SNTB1: variants seen among roughly 807,000 people sequenced by gnomAD.
SNTB1 encodes beta-1-syntrophin.
SNTB1 carries 36 observed loss-of-function variants against 48.9 expected under a neutral mutation model. That is an observed-to-expected ratio of 0.74 (90% CI 0.56 to 0.97). The LOEUF (loss-of-function observed/expected upper bound fraction) is 0.97. Among genes scored for constraint, SNTB1 ranks in the 50% least tolerant of loss-of-function variants. SNTB1 has a pLI of 0.00. For synonymous variants in SNTB1, 299 were observed against 294.6 expected, an observed-to-expected ratio of 1.01 and a Z score of -0.15; for missense variants, 786 against 703.4, an observed-to-expected ratio of 1.12 and a Z score of -1.33.
At chr8:120,661,423 A>C (rs901807604) in intron 2 of SNTB1, among the ~76,000 whole-genome samples, 1 of 152,178 alleles carries the variant, frequency 6.6e-6, no homozygotes, top group African/African-American at 2.4e-5. Context: ...TATTTGCCCA[A>C]GGTCACACTT....
intron 1 of SNTB1, among the ~76,000 whole-genome samples, chr8:120,730,403 G>T (rs1296006471): frequency 6.6e-6 from 1 of 152,096 alleles, no homozygotes; most frequent in Non-Finnish European, 1.5e-5. Flanking sequence ...GGCCAGGCTG[G>T]TATCAAACTC....
intron 2 of SNTB1, among the ~76,000 whole-genome samples, chr8:120,642,588 T>C (rs1351703867): frequency 3.3e-5 from 5 of 152,176 alleles, no homozygotes; most frequent in Non-Finnish European, 7.3e-5. Context: ...TATGGACTAC[T>C]GACTAACAAA....
chr8:120,752,747 C>A (rs1819243172), intron 1 of SNTB1, among the ~76,000 whole-genome samples: 1 of 151,960 alleles, frequency 6.6e-6, no homozygotes, highest in Non-Finnish European at 1.5e-5. Context: ...CACAAGTTCT[C>A]ACTTATAAGA....
intron 1 of SNTB1, among the ~76,000 whole-genome samples, chr8:120,753,050 C>T (rs1174014062): frequency 2.6e-5 from 4 of 151,016 alleles, no homozygotes; most frequent in Non-Finnish European, 4.4e-5. Flanking sequence ...TGCTCCTTTC[C>T]AAGATTTTCC....
intron 4 of SNTB1, among the ~76,000 whole-genome samples, chr8:120,568,607 C>T (rs1815791097): frequency 6.6e-6 from 1 of 152,190 alleles, no homozygotes; most frequent in African/African-American, 2.4e-5. Context: ...AAGCACTCTT[C>T]TGGAGGAAGG....
At chr8:120,557,565 T>C (rs1463245954) in intron 4 of SNTB1, among the ~76,000 whole-genome samples, 1 of 152,222 alleles carries the variant, frequency 6.6e-6, no homozygotes, top group Non-Finnish European at 1.5e-5. Context: ...CTACTGGAGC[T>C]CAAGACCATT....
intron 1 of SNTB1, among the ~76,000 whole-genome samples, chr8:120,760,375 T>C (rs1198229207): frequency 6.6e-6 from 1 of 151,352 alleles, no homozygotes; most frequent in Non-Finnish European, 1.5e-5. Flanking sequence ...AAATCACCAC[T>C]GCTAAAACCG....
intron 3 of SNTB1, among the ~76,000 whole-genome samples, chr8:120,628,283 G>A (rs1354262635): frequency 6.6e-6 from 1 of 152,190 alleles, no homozygotes; most frequent in African/African-American, 2.4e-5. Context: ...AGTAGCAAGA[G>A]AGCTAGAACT....
intron 2 of SNTB1, among the ~76,000 whole-genome samples, chr8:120,645,245 A>G (rs1817270400): frequency 6.6e-6 from 1 of 152,128 alleles, no homozygotes; most frequent in East Asian, 1.9e-4. Context: ...GCCCATGCCT[A>G]TGTCCTGAAT....
chr8:120,692,333 T>C (rs191072782), intron 2 of SNTB1, among the ~76,000 whole-genome samples: 1 of 152,124 alleles, frequency 6.6e-6, no homozygotes, highest in Non-Finnish European at 1.5e-5. Context: ...CCTAGCCAAA[T>C]ACTTTCTATT....
In SNTB1 at chr8:120,663,156, G is replaced by A. The variant is rs147803879; in HGVS notation, c.789-30505C>T. ...GGTCCAAGTACTGGCTATGAGCTAA[G>A]TGGCCCTGGAGAAAGAAATTACCTC... On this transcript the variant is annotated intron_variant, in intron 2 of 6. Coordinates refer to ENST00000517992, the MANE Select transcript of SNTB1 (RefSeq NM_021021.4). Among the ~76,000 whole-genome samples the A allele has an allele frequency of 7.8e-3, 1,187 of 152,284 alleles. 15 individuals carry two copies. Among genetic ancestry groups the A allele is most frequent in the African/African-American group, 0.027 (1,120 of 41,548 alleles).
chr8:120,668,306 A>G (rs1030736633), intron 2 of SNTB1, among the ~76,000 whole-genome samples: 1 of 152,198 alleles, frequency 6.6e-6, no homozygotes, highest in Non-Finnish European at 1.5e-5. Flanking sequence ...CTGATGTCCA[A>G]GGTTTTGAGC....
intron 3 of SNTB1, among the ~76,000 whole-genome samples, chr8:120,613,193 T>C (rs1255971503): frequency 6.6e-6 from 1 of 151,788 alleles, no homozygotes; most frequent in Non-Finnish European, 1.5e-5. Context: ...CTACTAAGAA[T>C]ACAAAAAATT....
At chr8:120,541,194 A>G (rs1815280238) in intron 6 of SNTB1, 1 of 152,202 alleles carries the variant, frequency 6.6e-6, no homozygotes, top group South Asian at 2.1e-4. Context: ...ATTTCAACAC[A>G]TGGACTACTT....
At chr8:120,543,220 A>G (rs772649493) in intron 5 of SNTB1, among the ~76,000 whole-genome samples, 1 of 152,170 alleles carries the variant, frequency 6.6e-6, no homozygotes, top group African/African-American at 2.4e-5. Context: ...AAGAGTTCTG[A>G]AAAAGGTTAT....
intron 1 of SNTB1, among the ~76,000 whole-genome samples, chr8:120,778,640 A>G (rs1819778693): frequency 6.6e-6 from 1 of 152,198 alleles, no homozygotes; most frequent in Admixed American, 6.5e-5. Flanking sequence ...TCAAACATGG[A>G]TTGATTTCCG....
At chr8:120,758,296 A>G (rs1819352526) in intron 1 of SNTB1, among the ~76,000 whole-genome samples, 1 of 152,202 alleles carries the variant, frequency 6.6e-6, no homozygotes. Context: ...TCCCTGACTA[A>G]TGCAGTGTCT....
At chr8:120,595,959 G>A (rs897072371) in intron 3 of SNTB1, among the ~76,000 whole-genome samples, 14 of 152,110 alleles carry the variant, frequency 9.2e-5, no homozygotes, top group African/African-American at 3.4e-4. Flanking sequence ...TCTGGATTGG[G>A]ACCCCTTTCC....
At chr8:120,711,215 G>A (rs1274602237) in intron 1 of SNTB1, among the ~76,000 whole-genome samples, 4 of 152,166 alleles carry the variant, frequency 2.6e-5, no homozygotes, top group Non-Finnish European at 5.9e-5. Flanking sequence ...TTTAAATGGT[G>A]ATATGGTTAA....
Sources: allele counts gnomAD v4.1 joint callset (sites outside exome capture counted in the v4.1 genomes callset), GRCh38; gene constraint gnomAD v4.1.1; transcripts MANE v1.5; gene names NCBI Gene and HGNC (gene_info 2026-07-23, HGNC 2026-07-21).